PTPRD: variants seen among roughly 807,000 people sequenced by gnomAD.
PTPRD encodes the protein protein tyrosine phosphatase receptor type D.
PTPRD carries 34 observed loss-of-function variants against 214.5 expected under a neutral mutation model. The ratio of observed to expected loss-of-function variants is 0.16; its 90% CI spans 0.12 to 0.21. The LOEUF is 0.21. Ranked by LOEUF, PTPRD falls within the 10% of genes least tolerant of loss-of-function variation. PTPRD has a pLI of 1.00. For missense variants in PTPRD, 2,545 were observed against 2,398.7 expected (o/e 1.06, Z -1.27); for synonymous variants, 1,128 against 845.7 (o/e 1.33, Z -5.79).
chr9:9,948,741 A>C (rs1249005087), intron 4 of PTPRD, among the ~76,000 whole-genome samples: 3 of 152,074 alleles, frequency 2.0e-5, no homozygotes, highest in African/African-American at 7.2e-5. Flanking sequence ...AAAAGATAAG[A>C]GAAAGGAGAT....
intron 6 of PTPRD, among the ~76,000 whole-genome samples, chr9:9,750,029 T>C (rs1417328420): frequency 6.6e-6 from 1 of 152,142 alleles, no homozygotes; most frequent in Non-Finnish European, 1.5e-5. Context: ...AAGATGGGTA[T>C]TTTAATTGAA....
At chr9:8,851,562 C>G (rs1293368124) in intron 11 of PTPRD, among the ~76,000 whole-genome samples, 1 of 152,166 alleles carries the variant, frequency 6.6e-6, no homozygotes, top group Non-Finnish European at 1.5e-5. Flanking sequence ...ATTTTTAAGT[C>G]AAGTGGCAAT....
chr9:10,120,926 C>T (rs2154247964), intron 3 of PTPRD, among the ~76,000 whole-genome samples: 1 of 152,058 alleles, frequency 6.6e-6, no homozygotes, highest in South Asian at 2.1e-4. Context: ...AGACAAAGCT[C>T]ACGTAGACAT....
At chr9:10,230,438 A>G (rs111889865) in intron 3 of PTPRD, among the ~76,000 whole-genome samples, 2,372 of 100,804 alleles carry the variant, frequency 0.024, 48 homozygotes, top group African/African-American at 0.088. Context: ...GTATCTATGT[A>G]TCTATCTATC....
At chr9:8,646,061 G>GAA (rs777090202) in intron 12 of PTPRD, among the ~76,000 whole-genome samples, 6,406 of 118,910 alleles carry the variant, frequency 0.054, 407 homozygotes, top group African/African-American at 0.17. Context: ...AGTCCTAAAA[G>GAA]AAAAAAAAAA....
At chr9:9,219,551 T>G (rs2099954471) in intron 9 of PTPRD, among the ~76,000 whole-genome samples, 1 of 152,172 alleles carries the variant, frequency 6.6e-6, no homozygotes, top group African/African-American at 2.4e-5. Flanking sequence ...ACATTTTAAA[T>G]TCTTTCCCAA....
At chr9:8,658,051 GTTCTT>G (rs913242708) in intron 12 of PTPRD, among the ~76,000 whole-genome samples, 1 of 152,070 alleles carries the variant, frequency 6.6e-6, no homozygotes, top group Non-Finnish European at 1.5e-5. Flanking sequence ...AATATGCTTT[GTTCTT>G]TTATCTCTCC....
At chr9:10,552,350 AC>A (rs2061532351) in intron 2 of PTPRD, among the ~76,000 whole-genome samples, 1 of 152,120 alleles carries the variant, frequency 6.6e-6, no homozygotes, top group African/African-American at 2.4e-5. Context: ...GCTTTTGGAT[AC>A]CTATTGCTCC....
intron 5 of PTPRD, among the ~76,000 whole-genome samples, chr9:9,912,825 A>T (rs190049095): frequency 5.5e-4 from 84 of 152,312 alleles, no homozygotes; most frequent in African/African-American, 1.9e-3. Context: ...AGCACTGAGA[A>T]TATTGCAAGA....
intron 11 of PTPRD, among the ~76,000 whole-genome samples, chr9:8,902,329 T>C (rs2098676121): frequency 6.9e-6 from 1 of 144,522 alleles, no homozygotes. Context: ...ATTTTTCTTT[T>C]CTTTTCTTTC....
chr9:9,594,208 A>G (rs1291754428), intron 7 of PTPRD, among the ~76,000 whole-genome samples: 1 of 152,092 alleles, frequency 6.6e-6, no homozygotes, highest in Non-Finnish European at 1.5e-5. Context: ...CACATGTGAG[A>G]GAGTATATCT....
intron 12 of PTPRD, among the ~76,000 whole-genome samples, chr9:8,661,510 A>C (rs946907079): frequency 6.6e-6 from 1 of 152,146 alleles, no homozygotes; most frequent in African/African-American, 2.4e-5. Context: ...AGAATATAAA[A>C]TGTTTACAAA....
chr9:9,330,777 T>A (rs1346060047), intron 9 of PTPRD, among the ~76,000 whole-genome samples: 17 of 151,952 alleles, frequency 1.1e-4, no homozygotes. Flanking sequence ...TAAGTGAAAT[T>A]ATCTATAATA....
At chr9:8,580,108 G>C (rs1040831361) in intron 14 of PTPRD, among the ~76,000 whole-genome samples, 2 of 152,176 alleles carry the variant, frequency 1.3e-5, no homozygotes, top group Non-Finnish European at 2.9e-5. Context: ...AATGTGTCAT[G>C]ATAATGTCAG....
intron 10 of PTPRD, among the ~76,000 whole-genome samples, chr9:9,059,228 CAT>C: frequency 6.6e-6 from 1 of 152,158 alleles, no homozygotes; most frequent in Non-Finnish European, 1.5e-5. Context: ...AGAGGAAAAA[CAT>C]GTGGTACAGG....
chr9:9,516,832 T>A (rs1426615927), intron 8 of PTPRD, among the ~76,000 whole-genome samples: 2 of 151,444 alleles, frequency 1.3e-5, no homozygotes, highest in Non-Finnish European at 3.0e-5. Context: ...CACCACAATA[T>A]CTTATTTTAG....
At chr9:8,393,058 C>G (rs1316569158) in intron 36 of PTPRD, among the ~76,000 whole-genome samples, 17 of 152,128 alleles carry the variant, frequency 1.1e-4, no homozygotes, top group Non-Finnish European at 1.5e-5. Context: ...TGTTTTGGTG[C>G]CATGAAATGC....
At chr9:8,600,884 G>A (rs2094816324) in intron 14 of PTPRD, among the ~76,000 whole-genome samples, 1 of 151,942 alleles carries the variant, frequency 6.6e-6, no homozygotes, top group South Asian at 2.1e-4. Flanking sequence ...AAAAGCAGAG[G>A]GAAAAATAAA....
intron 14 of PTPRD, among the ~76,000 whole-genome samples, chr9:8,557,761 A>G (rs59078118): frequency 3.9e-5 from 5 of 127,272 alleles, no homozygotes; most frequent in African/African-American, 1.7e-4. Context: ...AAAAAAAAAA[A>G]AAAAAAGAAA....
Sources: gnomAD v4.1 joint callset for allele counts (sites outside exome capture counted in the v4.1 genomes callset) on GRCh38, gnomAD v4.1.1 for gene constraint, MANE v1.5 for transcripts, NCBI Gene and HGNC (gene_info 2026-07-23, HGNC 2026-07-21) for gene names.